The following DAB1 variants were observed in gnomAD, a reference collection of about 807,000 sequenced individuals.
The protein encoded by DAB1 is disabled homolog 1.
DAB1 carries 15 observed loss-of-function variants against 64.6 expected under a neutral mutation model. The observed-to-expected ratio is 0.23, with a 90% confidence interval of 0.16 to 0.36. The LOEUF is 0.36. DAB1 is among the 10% of genes least tolerant of loss of function. The probability of loss-of-function intolerance (pLI) is 1.00; values close to 1 mark genes in which losing one functional copy is unlikely to be tolerated. For missense variants in DAB1, 596 were observed against 706.7 expected, an observed-to-expected ratio of 0.84 and a Z score of 1.78; for synonymous variants, 235 against 251.9, an observed-to-expected ratio of 0.93 and a Z score of 0.64.
chr1:57,575,976 C>T (rs1645245051), intron 7 of DAB1, among the ~76,000 whole-genome samples: 1 of 152,254 alleles, frequency 6.6e-6, no homozygotes, highest in South Asian at 2.1e-4. Flanking sequence ...CTTCAGAATG[C>T]AAGCTTATTT....
chr1:58,086,498 G>A (rs1207790606), intron 5 of DAB1, among the ~76,000 whole-genome samples: 2 of 152,096 alleles, frequency 1.3e-5, no homozygotes, highest in South Asian at 2.1e-4. Flanking sequence ...TTAGTGTAAG[G>A]CGCTGGGGAG....
At chr1:57,965,656 C>A (rs969797674) in intron 5 of DAB1, among the ~76,000 whole-genome samples, 1 of 151,976 alleles carries the variant, frequency 6.6e-6, no homozygotes, top group African/African-American at 2.4e-5. Flanking sequence ...GTTTGGAAGC[C>A]CCTTCATCTC....
intron 4 of DAB1, among the ~76,000 whole-genome samples, chr1:58,318,956 C>T (rs1213295110): frequency 6.6e-6 from 1 of 152,136 alleles, no homozygotes; most frequent in Non-Finnish European, 1.5e-5. Context: ...AGCCAGAGAG[C>T]AGATCATTGT....
intron 3 of DAB1, among the ~76,000 whole-genome samples, chr1:58,504,669 G>A (rs1287257928): frequency 6.6e-6 from 1 of 152,172 alleles, no homozygotes; most frequent in South Asian, 2.1e-4. Context: ...TAATCAATAA[G>A]TATCAATAAA....
chr1:58,196,260 A>G (rs1489145872), intron 4 of DAB1, among the ~76,000 whole-genome samples: 1 of 152,196 alleles, frequency 6.6e-6, no homozygotes, highest in Non-Finnish European at 1.5e-5. Flanking sequence ...AGCCATAAGA[A>G]ATTTAGAAAA....
chr1:57,331,188 G>A (rs765604365), intron 1 of DAB1, among the ~76,000 whole-genome samples: 92 of 152,238 alleles, frequency 6.0e-4, no homozygotes, highest in Admixed American at 1.2e-3. Context: ...CAAAGAAACT[G>A]TCTGCTAACG....
chr1:58,309,802 T>C (rs1662387183), intron 4 of DAB1, among the ~76,000 whole-genome samples: 5 of 152,074 alleles, frequency 3.3e-5, no homozygotes, highest in Admixed American at 2.6e-4. Context: ...GATCTGTGTG[T>C]GGATGGACAG....
intron 5 of DAB1, among the ~76,000 whole-genome samples, chr1:58,042,508 C>G (rs1647151761): frequency 6.6e-6 from 1 of 152,088 alleles, no homozygotes; most frequent in Non-Finnish European, 1.5e-5. Flanking sequence ...TGTACACACC[C>G]AAAACTACAC....
intron 5 of DAB1, among the ~76,000 whole-genome samples, chr1:58,004,606 CT>C (rs1309772656): frequency 6.6e-6 from 1 of 152,186 alleles, no homozygotes; most frequent in Admixed American, 6.5e-5. Context: ...ACCTCTGAGC[CT>C]CAGTTTCTCC....
intron 4 of DAB1, among the ~76,000 whole-genome samples, chr1:58,243,491 T>C (rs1028585679): frequency 6.6e-6 from 1 of 152,154 alleles, no homozygotes; most frequent in African/African-American, 2.4e-5. Context: ...GTTTCTCTTG[T>C]CCTCTGCAAT....
rs1324867860 is a variant in DAB1 at position 57,145,416 on chromosome 1, A to G, written c.81T>C (p.Ser27=). The change falls in exon 3 of 15, where the codon AGT becomes AGC. Residue 27 remains serine, a synonymous_variant. Transcript: ENST00000371236. ...TAAACCTCTTTATCAAAGTGGCTTC[A>G]CTGCGATCCTGACCTAAAAAGAGAA... is the stretch of plus-strand genomic sequence containing the variant. ...KDSRKKGQDR[S]EATLIKRFKG... The G allele has an allele frequency of 6.2e-7, 1 of 1,614,042 alleles. No homozygotes were observed.
chr1:57,280,730 C>G (rs1269126043), intron 2 of DAB1, among the ~76,000 whole-genome samples: 5 of 152,142 alleles, frequency 3.3e-5, no homozygotes, highest in Non-Finnish European at 5.9e-5. Flanking sequence ...ACACACATCA[C>G]AAAAGGAGAA....
intron 5 of DAB1, among the ~76,000 whole-genome samples, chr1:57,980,583 T>C (rs926642892): frequency 1.3e-5 from 2 of 152,132 alleles, no homozygotes; most frequent in African/African-American, 2.4e-5. Flanking sequence ...TTCACTCCTA[T>C]ACCCATAACA....
rs534964884 is a variant in DAB1 at position 57,374,255 on chromosome 1, T to C, written c.-137+49675A>G. Among the ~76,000 whole-genome samples the C allele has an allele frequency of 2.0e-5, 3 of 152,294 alleles. No individual in the cohort carries two copies. In the South Asian group the frequency reaches 6.2e-4, roughly 32 times the overall value. On this transcript the variant is annotated intron_variant, in intron 1 of 14. Transcript: ENST00000371236. ...GGTAAACAAAAGAATAAACAAAACA[T>C]CTTAAGAATAGATAAGCATTTTTGT...
intron 8 of DAB1, among the ~76,000 whole-genome samples, chr1:57,064,693 T>G (rs902681627): frequency 5.9e-5 from 9 of 152,160 alleles, no homozygotes; most frequent in African/African-American, 2.2e-4. Context: ...AGACAGTTGT[T>G]TCAAGTGGGC....
intron 1 of DAB1, among the ~76,000 whole-genome samples, chr1:58,539,509 T>C (rs1241896280): frequency 6.6e-6 from 1 of 151,732 alleles, no homozygotes; most frequent in Non-Finnish European, 1.5e-5. Context: ...ATATTTACTA[T>C]GCAACGTTTA....
chr1:57,717,428 T>C (rs1035639850), intron 6 of DAB1, among the ~76,000 whole-genome samples: 1 of 151,892 alleles, frequency 6.6e-6, no homozygotes, highest in Non-Finnish European at 1.5e-5. Flanking sequence ...ACAAATGCCA[T>C]TGAGGATGTA....
intron 1 of DAB1, among the ~76,000 whole-genome samples, chr1:57,359,932 T>C (rs889878322): frequency 3.3e-5 from 5 of 151,950 alleles, no homozygotes; most frequent in South Asian, 2.1e-4. Context: ...CAGAGGCTGG[T>C]GTGCTTGGGA....
intron 7 of DAB1, among the ~76,000 whole-genome samples, chr1:57,640,407 C>T: frequency 6.6e-6 from 1 of 152,254 alleles, no homozygotes; most frequent in East Asian, 1.9e-4. Context: ...ATATATCACC[C>T]TTACTCTTCA....
Sources: gnomAD v4.1 joint callset for allele counts (sites outside exome capture counted in the v4.1 genomes callset) on GRCh38, gnomAD v4.1.1 for gene constraint, MANE v1.5 for transcripts, NCBI Gene and HGNC (gene_info 2026-07-23, HGNC 2026-07-21) for gene names.